CIP2A: variants seen among roughly 807,000 people sequenced by gnomAD.
CIP2A encodes protein CIP2A.
CIP2A carries 103 observed loss-of-function variants against 110.9 expected under a neutral mutation model. The ratio of observed to expected loss-of-function variants is 0.93; its 90% confidence interval spans 0.79 to 1.09. CIP2A has a LOEUF of 1.09. Ranked by LOEUF, CIP2A falls within the 50% of genes least tolerant of loss-of-function variation. The pLI is 0.00. For missense variants in CIP2A, 1,088 were observed against 1,038.4 expected, an observed-to-expected ratio of 1.05 and a Z score of -0.66; for synonymous variants, 381 against 361.6, an observed-to-expected ratio of 1.05 and a Z score of -0.61.
intron 1 of CIP2A, among the ~76,000 whole-genome samples, chr3:108,586,019 A>G (rs895105165): frequency 6.6e-6 from 1 of 152,160 alleles, no homozygotes; most frequent in East Asian, 1.9e-4. Context: ...GGATGTATTT[A>G]TTACAAAGCA....
chr3:108,556,220 G>T (rs548067680), intron 17 of CIP2A, among the ~76,000 whole-genome samples: 1 of 152,044 alleles, frequency 6.6e-6, no homozygotes, highest in Non-Finnish European at 1.5e-5. Context: ...TTATTGATGG[G>T]AAATAAGCAT....
intron 8 of CIP2A, chr3:108,574,937 T>C (rs1488903444): frequency 6.6e-6 from 1 of 152,374 alleles, no homozygotes; most frequent in Admixed American, 6.6e-5. Context: ...AAGTGGGGCT[T>C]TACCAAATTT....
intron 17 of CIP2A, among the ~76,000 whole-genome samples, chr3:108,554,779 A>G (rs1393186800): frequency 6.6e-6 from 1 of 152,226 alleles, no homozygotes; most frequent in Admixed American, 6.5e-5. Flanking sequence ...ATATTGCATT[A>G]CATAATTTGC....
intron 8 of CIP2A, among the ~76,000 whole-genome samples, chr3:108,575,413 TACATATAC>T (rs1252508098): frequency 7.2e-6 from 1 of 139,032 alleles, no homozygotes; most frequent in Non-Finnish European, 1.6e-5. Flanking sequence ...TGTGTATGTA[TACATATAC>T]ATGTATACAT....
intron 6 of CIP2A, 43 bp from the exon 7 acceptor site, chr3:108,579,469 G>C: frequency 6.4e-7 from 1 of 1,565,538 alleles, no homozygotes; most frequent in Non-Finnish European, 8.7e-7. Flanking sequence ...AAAAAATTAA[G>C]TTGACACCAT....
intron 8 of CIP2A, 76 bp from the exon 9 acceptor site, chr3:108,569,683 G>C: frequency 1.9e-6 from 2 of 1,051,832 alleles, no homozygotes; most frequent in Admixed American, 2.2e-5. Flanking sequence ...TGATGAAGCT[G>C]AAAATGCTAC....
Position 108,559,951 on chromosome 3 carries a change from C to CAA in CIP2A, c.1902+2_1902+3insTT. The CAA allele has an allele frequency of 6.3e-7, 1 of 1,590,492 alleles. No homozygotes were observed. Among genetic ancestry groups the CAA allele is most frequent in the South Asian group, 1.1e-5 (1 of 89,924 alleles). On this transcript the variant is annotated splice_region_variant and intron_variant, in intron 15 of 20. Transcript: ENST00000295746. ...CACATTGTTAAAATAAGCTTATACT[C>CAA]ACAGCTAATGTGGATAGTTTCATTT...
chr3:108,553,850 A>C lies in CIP2A; in HGVS notation c.2325-120T>G, dbSNP rs557132913. The C allele has an allele frequency of 3.5e-5, 12 of 345,642 alleles. No homozygotes were observed. The Admixed American group carries it at 6.1e-4, about 18-fold the overall frequency. 21.4% of individuals were successfully genotyped at this position (345,642 alleles called of 1,614,324 possible). On this transcript the variant is annotated intron_variant, in intron 18 of 20. Transcript: ENST00000295746. The stretch of plus-strand genomic sequence containing the variant: ...GGCAGATCACAAGGTCAGGAGATCG[A>C]GACCATCCTGGCTAACATGGTGAAA...
rs915837665 is a variant in CIP2A at position 108,576,134 on chromosome 3, T to C, written c.894+137A>G. 5.6e-6 allele frequency: 3 copies of C among 537,710 alleles called. No individual in the cohort carries two copies. In the African/African-American group the frequency reaches 6.0e-5, roughly 11 times the overall value. The allele number at this position is 537,710 out of a possible 1,614,324, so 33.3% of individuals were successfully genotyped here. ...ACATTCTACATCCTGATCTAGACAC[T>C]GGCTACATAATTGTGTCCCTATTAT... is the stretch of plus-strand genomic sequence containing the variant. On this transcript the variant is annotated intron_variant, in intron 8 of 20. Coordinates refer to ENST00000295746, the MANE Select transcript of CIP2A (RefSeq NM_020890.3).
chr3:108,557,960 G>T (rs1937866886), intron 16 of CIP2A, among the ~76,000 whole-genome samples: 1 of 152,070 alleles, frequency 6.6e-6, no homozygotes, highest in African/African-American at 2.4e-5. Flanking sequence ...CCAGCCCTTT[G>T]GATTTTATTT....
rs1016784827 is a variant in CIP2A, at chr3:108,557,320, G to A, written c.2108C>T (p.Ala703Val). Reference sequence around the variant, plus strand: ...AAAGAGATGCTCAATATCACTCTGCGCTCTTTCTGATTCAACTTGCTGCGC... The same window carrying A: ...AAAGAGATGCTCAATATCACTCTGCACTCTTTCTGATTCAACTTGCTGCGC... ...LKAQQVESER[A>V]QSDIEHLFQH... The change falls in exon 17 of 21, where the codon GCG becomes GTG. Residue 703 changes from alanine to valine, a missense_variant. Transcript: ENST00000295746. 28 of 1,611,738 alleles carry A rather than the reference G, an allele frequency of 1.7e-5. No homozygotes were observed. Among genetic ancestry groups the A allele is most frequent in the African/African-American group, 1.1e-4 (8 of 74,722 alleles).
At position 108,583,022 on chromosome 3, in the gene CIP2A, C is replaced by A. The variant is rs754686691; in HGVS notation, c.312G>T (p.Ala104=). The change falls in exon 3 of 21, where the codon GCG becomes GCT. Residue 104 remains alanine (A), a synonymous_variant. Transcript: ENST00000295746. ...QNTYNLNSVL[A]GVVCRSSHTD... ...TGTGGCTGCTCCGACAAACCACTCC[C>A]GCCAGCACACTATTCAGATTATATG... 1 of 1,609,828 alleles carries A rather than the reference C, an allele frequency of 6.2e-7. No homozygotes were observed. The highest frequency in any genetic ancestry group is 1.3e-5 in the African/African-American group (1 of 74,696).
At chr3:108,583,860 TATC>T (rs1231023209) in intron 2 of CIP2A, among the ~76,000 whole-genome samples, 25 of 152,176 alleles carry the variant, frequency 1.6e-4, no homozygotes, top group Admixed American at 1.5e-3. Context: ...GGTAACAAAA[TATC>T]ATATGTACCC....
chr3:108,576,001 T>G (rs28600324), intron 8 of CIP2A, among the ~76,000 whole-genome samples: 2,809 of 151,162 alleles, frequency 0.019, 103 homozygotes, highest in African/African-American at 0.065. Flanking sequence ...GAAGTCAGTA[T>G]AGTGGTTATA....
chr3:108,576,132 A>G (rs1251912190), intron 8 of CIP2A, 139 bp downstream of exon 8: 1 of 535,718 alleles, frequency 1.9e-6, no homozygotes, highest in East Asian at 3.3e-5. Context: ...TGATCTAGAC[A>G]CTGGCTACAT....
At chr3:108,584,447 G>C (rs1463982832) in intron 2 of CIP2A, among the ~76,000 whole-genome samples, 1 of 152,154 alleles carries the variant, frequency 6.6e-6, no homozygotes, top group Admixed American at 6.5e-5. Flanking sequence ...AATGGGTACA[G>C]GCTCACCCCA....
Position 108,579,606 on chromosome 3 carries a change from A to G in CIP2A, c.632T>C (p.Ile211Thr). 6.2e-7 allele frequency: 1 copy of G among 1,600,756 alleles called. No homozygotes were observed. Among genetic ancestry groups the G allele is most frequent in the Non-Finnish European group, 8.5e-7 (1 of 1,171,540 alleles). Residue 211 changes from isoleucine (I) to threonine (T), a missense_variant, in exon 6 of 21, where the codon ATA becomes ACA. By Grantham distance (89) the Ile-to-Thr change is moderately conservative (BLOSUM62 -1). Transcript: ENST00000295746. ...SLTVVVFALS[I>T]LSSLTLNEEV... ...TTCATTTAATGTCAAACTGGATAAT[A>G]TTGAAAGTGCAAACACAACCACAGT...
Position 108,582,203 on chromosome 3 carries a change from CTGAGAA to C in CIP2A, c.358-7_358-2del, listed in dbSNP as rs1938906257. 4.0e-6 allele frequency: 5 copies of C among 1,262,336 alleles called. No homozygotes were observed. The highest frequency in any genetic ancestry group is 4.5e-6 in the Non-Finnish European group (4 of 892,750). 78.2% of individuals were successfully genotyped at this position (1,262,336 alleles called of 1,614,324 possible). A position where few individuals can be genotyped will look rare whatever the true frequency, so the allele number is the denominator to read the frequency against. Reference sequence around the variant, plus strand: ...TTAACTTCTGTAGAAGTTGAATGCACTGAGAATAAGAAAATAGTTATAAATATAAAG... The same window carrying C: ...TTAACTTCTGTAGAAGTTGAATGCACTAAGAAAATAGTTATAAATATAAAG... On this transcript the variant is annotated splice_acceptor_variant and splice_polypyrimidine_tract_variant and intron_variant, in intron 3 of 20. Coordinates refer to ENST00000295746, the MANE Select transcript of CIP2A (RefSeq NM_020890.3). LOFTEE classifies it high-confidence loss of function.
rs781482124 is a variant in CIP2A, at chr3:108,579,664, T to C, written c.574A>G (p.Thr192Ala). The C allele has an allele frequency of 1.3e-6, 2 of 1,577,032 alleles. No individual in the cohort carries two copies. The highest frequency in any genetic ancestry group is 1.7e-6 in the Non-Finnish European group (2 of 1,165,496). ...TLSNVKSFYR[T>A]LITLLAHSSL... ...CTATGGGCCAACAAGGTGATAAGAGTTCGATAAAAAGATTTCACATTACTC... is the reference window on the plus strand; with the variant it reads ...CTATGGGCCAACAAGGTGATAAGAGCTCGATAAAAAGATTTCACATTACTC... The change falls in exon 6 of 21, where the codon ACT becomes GCT. Residue 192 changes from threonine (T) to alanine (A), a missense_variant. Thr to Ala is a moderately conservative substitution (Grantham distance 58). Transcript: ENST00000295746.
Sources: gnomAD v4.1 joint callset for allele counts (sites outside exome capture counted in the v4.1 genomes callset) on GRCh38, gnomAD v4.1.1 for gene constraint, MANE v1.5 for transcripts, NCBI Gene and HGNC (gene_info 2026-07-23, HGNC 2026-07-21) for gene names.